SLC30A2: variants seen among roughly 807,000 people sequenced by gnomAD.
The protein encoded by SLC30A2 is solute carrier family 30 member 2.
Under a neutral mutation model 39.6 loss-of-function variants are expected in SLC30A2, and 19 were observed. The observed-to-expected ratio is 0.48, with a 90% CI of 0.34 to 0.70. SLC30A2 has a LOEUF of 0.70. Among genes scored for constraint, SLC30A2 ranks in the 30% least tolerant of loss-of-function variants. The probability of loss-of-function intolerance (pLI) is 0.01; values close to 1 mark genes in which losing one functional copy is unlikely to be tolerated. For synonymous variants in SLC30A2, 195 were observed against 194.8 expected, an observed-to-expected ratio of 1.00 and a Z score of -0.01; for missense variants, 387 against 479.4, an observed-to-expected ratio of 0.81 and a Z score of 1.80.
In SLC30A2 at chr1:26,039,041, G is replaced by T; in HGVS notation, c.*119C>A. 6.7e-7 allele frequency: 1 copy of T among 1,487,596 alleles called. No individual in the cohort carries two copies. The allele number at this position is 1,487,596 out of a possible 1,614,324, so 92.1% of individuals were successfully genotyped here. On this transcript the variant is annotated 3_prime_UTR_variant, in exon 8 of 8. Coordinates refer to ENST00000374276, the MANE Select transcript of SLC30A2 (RefSeq NM_001004434.3). This position sits in a 1 kb window ranked among gnomAD's most constrained non-coding sequence, Gnocchi z 4.3. The stretch of plus-strand genomic sequence containing the variant: ...ATTCCTGGAGTGGGGCAGAGGTCAG[G>T]AGGGGGACCTGGTTTACAACACAGC...
intron 2 of SLC30A2, 27 bp downstream of exon 2, chr1:26,044,970 T>TC: frequency 6.3e-7 from 1 of 1,597,848 alleles, no homozygotes; most frequent in Non-Finnish European, 8.6e-7. Flanking sequence ...TGCACCAACT[T>TC]CATTTAATTA....
chr1:26,041,340 C>G (rs749096431), intron 6 of SLC30A2, among the ~76,000 whole-genome samples: 5 of 152,198 alleles, frequency 3.3e-5, no homozygotes, highest in Non-Finnish European at 7.3e-5. Context: ...CTCACCCCCT[C>G]TCTCTTCCTG....
Position 26,041,555 on chromosome 1 carries a change from C to T in SLC30A2, c.838+145G>A, listed in dbSNP as rs2050397512. ...TATGTCAAGATCAGCCCAGGGGCCC[C>T]AGGAGGTTTTCCAGCCTATGCCGGG... On this transcript the variant is annotated intron_variant, in intron 6 of 7. Transcript: ENST00000374276. The T allele has an allele frequency of 6.6e-6, 4 of 604,862 alleles. No individual in the cohort carries two copies. The East Asian group carries it at 1.2e-4, about 18-fold the overall frequency. The allele number at this position is 604,862 out of a possible 1,614,324, so 37.5% of individuals were successfully genotyped here.
Position 26,038,941 on chromosome 1 carries a change from G to A in SLC30A2, c.*219C>T. On this transcript the variant is annotated 3_prime_UTR_variant, in exon 8 of 8. Coordinates refer to ENST00000374276, the MANE Select transcript of SLC30A2 (RefSeq NM_001004434.3). ...CAGAGCTGGCCCAGGAGCTGGAAGA[G>A]CAGGGTCACACTAGCTTTATACCCG... 3.2e-6 allele frequency: 4 copies of A among 1,258,882 alleles called. No individual in the cohort carries two copies. The highest frequency in any genetic ancestry group is 4.1e-6 in the Non-Finnish European group (4 of 982,166). The allele number at this position is 1,258,882 out of a possible 1,614,324, so 78.0% of individuals were successfully genotyped here.
rs535946315 is a variant in SLC30A2, at chr1:26,040,759, T to C, written c.839-848A>G. On this transcript the variant is annotated intron_variant, in intron 6 of 7. Transcript: ENST00000374276. ...CTGACCCTGACCACGCAGAGGCCTATGACCCTGGCCCAAGACCCCAGGCCT... is the reference window on the plus strand; with the variant it reads ...CTGACCCTGACCACGCAGAGGCCTACGACCCTGGCCCAAGACCCCAGGCCT... Among the ~76,000 whole-genome samples the C allele has an allele frequency of 3.9e-4, 59 of 152,252 alleles. 1 individual carries two copies. The South Asian group carries it at 8.1e-3, about 21-fold the overall frequency.
intron 4 of SLC30A2, 124 bp from the exon 5 acceptor site, chr1:26,042,832 T>G (rs1385853380): frequency 4.6e-6 from 4 of 864,754 alleles, no homozygotes; most frequent in Non-Finnish European, 7.1e-6. Flanking sequence ...TTTGGCCATG[T>G]GAGAAGTCCA....
chr1:26,045,618 C>A (rs765068822), intron 1 of SLC30A2, among the ~76,000 whole-genome samples: 2 of 152,200 alleles, frequency 1.3e-5, no homozygotes, highest in Non-Finnish European at 1.5e-5. Context: ...AACCGCCAAT[C>A]CCCCGGCCCC....
chr1:26,042,816 G>A, intron 4 of SLC30A2, 108 bp from the exon 5 acceptor site: 1 of 996,426 alleles, frequency 1.0e-6, no homozygotes. Flanking sequence ...TAAACCTTGT[G>A]ATCTCTTTGG....
chr1:26,039,929 A>C lies in SLC30A2; in HGVS notation c.839-18T>G, dbSNP rs991480023. ...GGGGGTCCCTGAGGACGGCAAGGAC[A>C]GGGGAAACTAAAGGAAACTACCCCT... On this transcript the variant is annotated intron_variant, in intron 6 of 7. Coordinates refer to ENST00000374276, the MANE Select transcript of SLC30A2 (RefSeq NM_001004434.3). The surrounding 1 kb of genome is among the most constrained non-coding windows in gnomAD (Gnocchi z 4.3). The C allele has an allele frequency of 1.2e-6, 2 of 1,613,754 alleles. No homozygotes were observed. Among genetic ancestry groups the C allele is most frequent in the African/African-American group, 2.7e-5 (2 of 75,018 alleles).
At position 26,041,770 on chromosome 1, in the gene SLC30A2, G is replaced by A. The variant is rs1316852; in HGVS notation, c.768C>T (p.Phe256=). Residue 256 remains phenylalanine (F), a synonymous_variant, in exon 6 of 8, where the codon TTC becomes TTT. Coordinates refer to ENST00000374276, the MANE Select transcript of SLC30A2 (RefSeq NM_001004434.3). Reference sequence around the variant, plus strand: ...TCCCCAGGACCAGGATGGAGAAGACGAAGGTGCAGATGGGGTCTACATACT... The same window carrying A: ...TCCCCAGGACCAGGATGGAGAAGACAAAGGTGCAGATGGGGTCTACATACT... The part of the protein sequence containing the change: ...EYKYVDPICT[F]VFSILVLGTT... 20,380 of 1,613,350 alleles carry A rather than the reference G, an allele frequency of 0.013. 971 individuals are homozygous for A. The East Asian group carries it at 0.13, about 10-fold the overall frequency.
intron 4 of SLC30A2, 47 bp downstream of exon 4, chr1:26,043,351 G>A: frequency 1.3e-6 from 2 of 1,583,342 alleles, no homozygotes; most frequent in Non-Finnish European, 1.7e-6. Flanking sequence ...GTGGGTGTGA[G>A]AGGCGGGAGG....
intron 5 of SLC30A2, 26 bp from the exon 6 acceptor site, chr1:26,041,831 T>C (rs1272683704): frequency 1.4e-6 from 2 of 1,394,620 alleles, no homozygotes; most frequent in South Asian, 2.3e-5. Flanking sequence ...AAGGCAGACC[T>C]GGAGTTCACC....
chr1:26,039,873 G>A lies in SLC30A2; in HGVS notation c.877C>T (p.Leu293=), dbSNP rs375429556. 1.2e-6 allele frequency: 2 copies of A among 1,614,142 alleles called. No individual in the cohort carries two copies. Among genetic ancestry groups the A allele is most frequent in the Non-Finnish European group, 1.7e-6 (2 of 1,180,022 alleles). ...TCTACCCCCTCCACCGACAGCAGCA[G>A]ATCACGAACAGCTGTGAAGTCAACG... ...KGVDFTAVRD[L]LLSVEGVEAL... is the part of the protein sequence containing the mutation. Residue 293 remains leucine (L), a synonymous_variant, in exon 7 of 8, where the codon CTG becomes TTG. Transcript: ENST00000374276. This position sits in a 1 kb window ranked among gnomAD's most constrained non-coding sequence, Gnocchi z 4.3.
Position 26,045,293 on chromosome 1 carries a change from G to A in SLC30A2, c.51-76C>T, listed in dbSNP as rs546589305. On this transcript the variant is annotated intron_variant, in intron 1 of 7. Transcript: ENST00000374276. ...GGGCCGACTCTAGTCCCATTTCTCT[G>A]TGAGGCCTTGTGTCCACTGGGAAAA... is the stretch of plus-strand genomic sequence containing the variant. 76 of 1,230,738 alleles carry A rather than the reference G, an allele frequency of 6.2e-5. No homozygotes were observed. The South Asian group carries it at 1.0e-3, about 17-fold the overall frequency. 76.2% of individuals were successfully genotyped at this position (1,230,738 alleles called of 1,614,324 possible).
intron 5 of SLC30A2, 54 bp from the exon 6 acceptor site, chr1:26,041,859 C>T: frequency 9.5e-7 from 1 of 1,052,092 alleles, no homozygotes; most frequent in Middle Eastern, 2.5e-4. Context: ...ACCTCAGCTT[C>T]CCTTCTCCCC....
At position 26,042,692 on chromosome 1, in the gene SLC30A2, G is replaced by C; in HGVS notation, c.589C>G (p.His197Asp). 1 of 1,614,124 alleles carries C rather than the reference G, an allele frequency of 6.2e-7. No individual in the cohort carries two copies. Among genetic ancestry groups the C allele is most frequent in the Non-Finnish European group, 8.5e-7 (1 of 1,180,026 alleles). ...TGGCTGTGCCCATGGCCAGACTGGT[G>C]AAGGGTCAACCCCATTCTATGGAAG... is the stretch of plus-strand genomic sequence containing the variant. ...AVNIIMGLTL[H>D]QSGHGHSHGT... is the part of the protein sequence containing the mutation. Residue 197 changes from histidine to aspartate, a missense_variant, in exon 5 of 8, where the codon CAC (histidine) becomes GAC (aspartate). His to Asp is a moderately conservative substitution (Grantham distance 81, BLOSUM62 -1). Coordinates refer to ENST00000374276, the MANE Select transcript of SLC30A2 (RefSeq NM_001004434.3).
chr1:26,039,974 G>T lies in SLC30A2; in HGVS notation c.839-63C>A. ...ACCCCTCCCACGCCTGCCCATTGGTGCAGGGCTGGCTCCTGATCCTCAGGT... is the reference window on the plus strand; with the variant it reads ...ACCCCTCCCACGCCTGCCCATTGGTTCAGGGCTGGCTCCTGATCCTCAGGT... On this transcript the variant is annotated intron_variant, in intron 6 of 7. Transcript: ENST00000374276. This position sits in a 1 kb window ranked among gnomAD's most constrained non-coding sequence, Gnocchi z 4.3. 6.3e-7 allele frequency: 1 copy of T among 1,588,782 alleles called. No individual in the cohort carries two copies.
At chr1:26,044,078 A>G (rs149659503) in intron 3 of SLC30A2, among the ~76,000 whole-genome samples, 132 of 152,286 alleles carry the variant, frequency 8.7e-4, no homozygotes, top group African/African-American at 3.0e-3. Context: ...TTCCCTGCAG[A>G]CTGAGAGCTC....
In SLC30A2 at chr1:26,039,898, G is replaced by C. The variant is rs753839712; in HGVS notation, c.852C>G (p.Gly284=). The change falls in exon 7 of 8, where the codon GGC becomes GGG. Residue 284 remains glycine, a synonymous_variant. Coordinates refer to ENST00000374276, the MANE Select transcript of SLC30A2 (RefSeq NM_001004434.3). This position sits in a 1 kb window ranked among gnomAD's most constrained non-coding sequence, Gnocchi z 4.3. ...ILVLMEGTPK[G]VDFTAVRDLL... is the part of the protein sequence containing the mutation. ...GATCACGAACAGCTGTGAAGTCAAC[G>C]CCCTTGGGGGTCCCTGAGGACGGCA... 8 of 1,613,976 alleles carry C rather than the reference G, an allele frequency of 5.0e-6. No individual in the cohort carries two copies. The South Asian group carries it at 8.8e-5, about 18-fold the overall frequency.
Sources: allele counts gnomAD v4.1 joint callset (sites outside exome capture counted in the v4.1 genomes callset), GRCh38; gene constraint gnomAD v4.1.1; non-coding constraint Gnocchi (gnomAD v3.1); transcripts MANE v1.5; gene names NCBI Gene and HGNC (gene_info 2026-07-23, HGNC 2026-07-21).